The following IL1RAPL1 variants were observed in gnomAD, a reference collection of about 807,000 sequenced individuals.
The protein encoded by IL1RAPL1 is interleukin 1 receptor accessory protein like 1.
Under a neutral mutation model 48.4 loss-of-function variants are expected in IL1RAPL1, and 3 were observed. The observed-to-expected ratio is 0.06, with a 90% CI of 0.03 to 0.16. IL1RAPL1 has a LOEUF of 0.16. IL1RAPL1 is among the 10% of genes least tolerant of loss of function. The probability of loss-of-function intolerance (pLI) is 1.00; values close to 1 mark genes in which losing one functional copy is unlikely to be tolerated. For missense variants in IL1RAPL1, 349 were observed against 530.6 expected (o/e 0.66, Z 3.36); for synonymous variants, 185 against 187.7 (o/e 0.99, Z 0.12).
chrX:29,444,034 C>T (rs770427745), intron 5 of IL1RAPL1, among the ~76,000 whole-genome samples: 13 of 112,357 alleles, frequency 1.2e-4, no homozygotes, highest in Non-Finnish European at 2.3e-4. Context: ...GAAGAAGTTG[C>T]AACAACACAT....
At chrX:29,579,426 TA>T (rs1922887377) in intron 5 of IL1RAPL1, among the ~76,000 whole-genome samples, 1 of 112,017 alleles carries the variant, frequency 8.9e-6, no homozygotes, top group Middle Eastern at 4.6e-3. Flanking sequence ...GCAGACTTAG[TA>T]ATTATGAGAA....
intron 1 of IL1RAPL1, among the ~76,000 whole-genome samples, chrX:28,741,583 CAG>C (rs772624451): frequency 9.8e-5 from 11 of 111,736 alleles, no homozygotes; most frequent in African/African-American, 3.2e-4. Flanking sequence ...GATGGACAAA[CAG>C]ACTATATTAA....
chrX:29,616,372 G>T (rs938757372), intron 5 of IL1RAPL1, among the ~76,000 whole-genome samples: 2 of 107,070 alleles, frequency 1.9e-5, no homozygotes, highest in South Asian at 4.3e-4. Flanking sequence ...GTACATGTGC[G>T]CAATGTGTAG....
At chrX:29,654,183 A>T (rs192437252) in intron 5 of IL1RAPL1, among the ~76,000 whole-genome samples, 1 of 110,335 alleles carries the variant, frequency 9.1e-6, no homozygotes, top group Non-Finnish European at 1.9e-5. Context: ...TTACTATTAT[A>T]TTGGCATTTC....
At chrX:29,382,761 A>C (rs16988523) in intron 3 of IL1RAPL1, among the ~76,000 whole-genome samples, 1 of 111,523 alleles carries the variant, frequency 9.0e-6, no homozygotes, top group East Asian at 2.8e-4. Context: ...CTCTGTGTCA[A>C]CTGCAGCTCT....
chrX:29,639,723 G>A (rs781406386), intron 5 of IL1RAPL1, among the ~76,000 whole-genome samples: 9 of 110,379 alleles, frequency 8.2e-5, no homozygotes, highest in African/African-American at 2.6e-4. Context: ...TTCATTTTAC[G>A]TCCACAATAC....
chrX:29,524,588 C>T (rs1480849883), intron 5 of IL1RAPL1, among the ~76,000 whole-genome samples: 1 of 111,249 alleles, frequency 9.0e-6, no homozygotes, highest in Admixed American at 9.6e-5. Flanking sequence ...TGTTAATTAA[C>T]TGTCATTTTT....
chrX:29,383,707 A>G (rs184683814), intron 3 of IL1RAPL1, among the ~76,000 whole-genome samples: 1 of 112,189 alleles, frequency 8.9e-6, no homozygotes, highest in African/African-American at 3.2e-5. Flanking sequence ...TCTAGCAAGA[A>G]ATCTCTAAAA....
chrX:28,592,685 G>A, intron 1 of IL1RAPL1, among the ~76,000 whole-genome samples: 1 of 111,726 alleles, frequency 9.0e-6, no homozygotes, highest in Middle Eastern at 4.7e-3. Context: ...AAATAGAATT[G>A]GAAAGTGCAA....
intron 1 of IL1RAPL1, among the ~76,000 whole-genome samples, chrX:28,724,919 A>G (rs1204030711): frequency 1.9e-5 from 2 of 107,381 alleles, no homozygotes; most frequent in African/African-American, 3.4e-5. Context: ...TAAATGGAAC[A>G]TGACTTGACG....
At chrX:29,003,192 A>G (rs1289758849) in intron 2 of IL1RAPL1, among the ~76,000 whole-genome samples, 1 of 111,518 alleles carries the variant, frequency 9.0e-6, no homozygotes, top group African/African-American at 3.3e-5. Flanking sequence ...AATAGCATAG[A>G]CTCTTCCATG....
At position 29,879,395 on chromosome X, in the gene IL1RAPL1, G is replaced by GTGTGTA. The variant is rs1555929712; in HGVS notation, c.779-38068_779-38067insGTGTAT. Among the ~76,000 whole-genome samples, 202 of 86,861 alleles carry GTGTGTA rather than the reference G, an allele frequency of 2.3e-3. 1 individual carries two copies. The highest frequency in any genetic ancestry group is 9.8e-3 in the African/African-American group (187 of 19,017). The allele number at this position is 86,861 out of a possible 115,157, so 75.4% of individuals were successfully genotyped here. On this transcript the variant is annotated intron_variant, in intron 6 of 10. Coordinates refer to ENST00000378993, the MANE Select transcript of IL1RAPL1 (RefSeq NM_014271.4). ...TGTGTGTGTGTGTGTGTGTGTGTGT[G>GTGTGTA]TATATATATATATATAATATTTGTG...
intron 3 of IL1RAPL1, among the ~76,000 whole-genome samples, chrX:29,318,903 TCAA>T (rs1932780257): frequency 8.9e-6 from 1 of 112,002 alleles, no homozygotes. Flanking sequence ...TCATTATAGA[TCAA>T]CAATTATTTT....
intron 6 of IL1RAPL1, among the ~76,000 whole-genome samples, chrX:29,689,414 A>G (rs2147110126): frequency 8.9e-6 from 1 of 112,150 alleles, no homozygotes; most frequent in African/African-American, 3.2e-5. Flanking sequence ...CAAAAATAAA[A>G]AATAAAAGTT....
chrX:29,479,386 G>A (rs1244740628), intron 5 of IL1RAPL1, among the ~76,000 whole-genome samples: 10 of 80,383 alleles, frequency 1.2e-4, no homozygotes, highest in African/African-American at 4.7e-4. Context: ...CTGCACTCCA[G>A]CCTGGGTGAC....
intron 2 of IL1RAPL1, among the ~76,000 whole-genome samples, chrX:29,175,847 A>G (rs1930005883): frequency 6.4e-5 from 1 of 15,690 alleles, no homozygotes; most frequent in Admixed American, 6.1e-4. Flanking sequence ...CTCTGTCTCA[A>G]AAAAAAAAAA....
At chrX:28,815,466 G>A (rs1203923982) in intron 2 of IL1RAPL1, among the ~76,000 whole-genome samples, 1 of 109,487 alleles carries the variant, frequency 9.1e-6, no homozygotes, top group Non-Finnish European at 1.9e-5. Flanking sequence ...AGGAACATTA[G>A]CATTATTCTT....
At chrX:29,782,112 A>G (rs182226731) in intron 6 of IL1RAPL1, among the ~76,000 whole-genome samples, 2 of 107,126 alleles carry the variant, frequency 1.9e-5, no homozygotes, top group African/African-American at 3.4e-5. Context: ...CTATCTATCT[A>G]TCTATCTATC....
At chrX:28,894,696 GC>G (rs1420436363) in intron 2 of IL1RAPL1, among the ~76,000 whole-genome samples, 1 of 110,940 alleles carries the variant, frequency 9.0e-6, no homozygotes, top group Admixed American at 9.6e-5. Flanking sequence ...TAAAGCAGTG[GC>G]AGCCGCTGCA....
Sources: allele counts gnomAD v4.1 joint callset (sites outside exome capture counted in the v4.1 genomes callset), GRCh38; gene constraint gnomAD v4.1.1; transcripts MANE v1.5; gene names NCBI Gene and HGNC (gene_info 2026-07-23, HGNC 2026-07-21).